Variants in SBF2 observed in about 807,000 individuals in gnomAD.
SBF2 encodes SET binding factor 2, also known as myotubularin-related protein 13.
Under a neutral mutation model 225.2 loss-of-function variants are expected in SBF2, and 112 were observed. That is an observed-to-expected ratio of 0.50 (90% CI 0.43 to 0.58). The LOEUF (loss-of-function observed/expected upper bound fraction) is 0.58, where lower values mean the gene tolerates loss of function less well. SBF2 is among the 20% of genes least tolerant of loss of function. The pLI is 0.00. For missense variants in SBF2, 1,996 were observed against 2,206.2 expected (o/e 0.90, Z 1.91); for synonymous variants, 763 against 773.3 (o/e 0.99, Z 0.22).
chr11:10,219,726 G>A (rs1172067479), intron 1 of SBF2, among the ~76,000 whole-genome samples: 1 of 152,130 alleles, frequency 6.6e-6, no homozygotes, highest in African/African-American at 2.4e-5. Context: ...CAGACCTCTA[G>A]GGCACGGGCA....
chr11:10,193,858 G>A (rs763327480), intron 2 of SBF2, 44 bp downstream of exon 2: 17 of 1,313,830 alleles, frequency 1.3e-5, no homozygotes, highest in Non-Finnish European at 1.9e-5. Context: ...TGACAAAAAA[G>A]AAAAGTAACA....
chr11:10,142,073 A>C (rs953325084), intron 2 of SBF2, among the ~76,000 whole-genome samples: 1 of 152,190 alleles, frequency 6.6e-6, no homozygotes, highest in African/African-American at 2.4e-5. Context: ...AAGGCAAATT[A>C]ACTAAAGTTA....
In SBF2 at chr11:10,085,927, G is replaced by A. The variant is rs952134794; in HGVS notation, c.142-42946C>T. On this transcript the variant is annotated intron_variant, in intron 2 of 39. Transcript: ENST00000256190. ...CAGACATATGTGATACTTTGGTTCC[G>A]TTTCTAACAGATTAATAGTATGTCA... Among the ~76,000 whole-genome samples the A allele has an allele frequency of 7.3e-5, 11 of 151,588 alleles. No homozygotes were observed. The South Asian group carries it at 1.0e-3, about 14-fold the overall frequency.
Position 9,789,298 on chromosome 11 carries a change from A to T in SBF2, c.4743T>A (p.Asp1581Glu), listed in dbSNP as rs745432558. The change falls in exon 35 of 40, where the codon GAT becomes GAA. Residue 1581 changes from aspartate (D) to glutamate (E), a missense_variant. By Grantham distance (45) the Asp-to-Glu change is conservative (BLOSUM62 2). Transcript: ENST00000256190. Reference protein sequence around the residue: ...NVNVSSLKKWDYYIEETLSTG... With the variant: ...NVNVSSLKKWEYYIEETLSTG... ...TGGACAGGGTCTCTTCTATGTAGTA[A>T]TCCCACTTCTTGAGGCTAGAGACGT... 6.2e-7 allele frequency: 1 copy of T among 1,614,150 alleles called. No homozygotes were observed.
At chr11:9,919,883 C>T (rs1194810825) in intron 16 of SBF2, among the ~76,000 whole-genome samples, 1 of 152,006 alleles carries the variant, frequency 6.6e-6, no homozygotes, top group Non-Finnish European at 1.5e-5. Flanking sequence ...AGGCATGTGC[C>T]ACCATGCCCG....
chr11:10,286,895 C>T (rs1370477038), intron 1 of SBF2, among the ~76,000 whole-genome samples: 2 of 152,208 alleles, frequency 1.3e-5, no homozygotes, highest in African/African-American at 2.4e-5. Flanking sequence ...CAATTCTTCT[C>T]CTACGTATTT....
chr11:9,911,124 T>C (rs1220450693), intron 16 of SBF2, among the ~76,000 whole-genome samples: 1 of 150,330 alleles, frequency 6.7e-6, no homozygotes, highest in African/African-American at 2.5e-5. Flanking sequence ...TCCCAGAACT[T>C]TGGGAGGCCG....
At chr11:10,026,854 T>C (rs1169092221) in intron 6 of SBF2, among the ~76,000 whole-genome samples, 1 of 152,132 alleles carries the variant, frequency 6.6e-6, no homozygotes, top group Non-Finnish European at 1.5e-5. Context: ...TAGATAGATA[T>C]GCATTAAATA....
chr11:9,901,316 G>A (rs1358047975), intron 16 of SBF2, among the ~76,000 whole-genome samples: 2 of 152,108 alleles, frequency 1.3e-5, no homozygotes, highest in African/African-American at 4.8e-5. Context: ...TCAAGGGATA[G>A]GACAAAAAGA....
At chr11:9,803,530 T>C (rs1017841750) in intron 32 of SBF2, among the ~76,000 whole-genome samples, 1 of 152,094 alleles carries the variant, frequency 6.6e-6, no homozygotes. Flanking sequence ...GTAAGGATTA[T>C]TGTACTTGGG....
chr11:9,947,998 G>A (rs1865661111), intron 16 of SBF2, among the ~76,000 whole-genome samples: 1 of 152,134 alleles, frequency 6.6e-6, no homozygotes, highest in Non-Finnish European at 1.5e-5. Context: ...GTTCATAGCA[G>A]CATTATTTAC....
chr11:10,030,812 G>A (rs552625088), intron 4 of SBF2, among the ~76,000 whole-genome samples: 16 of 152,142 alleles, frequency 1.1e-4, no homozygotes, highest in Middle Eastern at 3.4e-3. Flanking sequence ...AATAAATGTG[G>A]GACCTATTTT....
intron 1 of SBF2, among the ~76,000 whole-genome samples, chr11:10,293,539 G>A (rs141487306): frequency 6.6e-6 from 1 of 152,184 alleles, no homozygotes; most frequent in Non-Finnish European, 1.5e-5. Flanking sequence ...ACAGCACAGG[G>A]GTGAGTTAGC....
intron 28 of SBF2, among the ~76,000 whole-genome samples, chr11:9,821,685 A>AT (rs1229428157): frequency 1.3e-5 from 2 of 152,150 alleles, no homozygotes; most frequent in Non-Finnish European, 2.9e-5. Flanking sequence ...TCAAATCAGT[A>AT]TTTTTTTCAA....
intron 24 of SBF2, among the ~76,000 whole-genome samples, chr11:9,844,346 G>T (rs541601634): frequency 6.6e-6 from 1 of 152,186 alleles, no homozygotes; most frequent in African/African-American, 2.4e-5. Context: ...GCAAAGGAAG[G>T]GCCTCTTTTC....
intron 2 of SBF2, among the ~76,000 whole-genome samples, chr11:10,111,599 G>A (rs1038195670): frequency 1.3e-5 from 2 of 152,242 alleles, no homozygotes; most frequent in South Asian, 2.1e-4. Flanking sequence ...TACTTGGCTG[G>A]GTGCAGTGGC....
intron 16 of SBF2, among the ~76,000 whole-genome samples, chr11:9,908,460 C>G (rs923509704): frequency 6.6e-6 from 1 of 151,940 alleles, no homozygotes; most frequent in Admixed American, 6.6e-5. Context: ...CCCGTCTCTA[C>G]TAAAAATGCA....
At position 9,856,740 on chromosome 11, in the gene SBF2, A is replaced by C; in HGVS notation, c.2101-20T>G. On this transcript the variant is annotated intron_variant, in intron 18 of 39. Transcript: ENST00000256190. ...CTTATCCTAAAAAATAAAGCAACAC[A>C]ATCCAAAAGAGAACCATCACTTCAG... The C allele has an allele frequency of 6.2e-7, 1 of 1,611,188 alleles. No individual in the cohort carries two copies.
At chr11:9,838,423 A>T (rs1414499939) in intron 26 of SBF2, 3 of 152,204 alleles carry the variant, frequency 2.0e-5, no homozygotes, top group Non-Finnish European at 4.4e-5. Context: ...ACAGCAGGAC[A>T]TCACACCCCG....
Sources: gnomAD v4.1 joint callset for allele counts (sites outside exome capture counted in the v4.1 genomes callset) on GRCh38, gnomAD v4.1.1 for gene constraint, MANE v1.5 for transcripts, NCBI Gene and HGNC (gene_info 2026-07-23, HGNC 2026-07-21) for gene names.